Variants in RBFOX1 observed in about 807,000 individuals in gnomAD.
The protein encoded by RBFOX1 is RNA binding fox-1 homolog 1.
A neutral mutation model predicts 57.7 loss-of-function variants in RBFOX1; 8 were observed. That is an observed-to-expected ratio of 0.14 (90% CI 0.08 to 0.25). The LOEUF (loss-of-function observed/expected upper bound fraction) is 0.25, where lower values mean the gene tolerates loss of function less well. Among genes scored for constraint, RBFOX1 ranks in the 10% least tolerant of loss-of-function variants. RBFOX1 has a pLI of 1.00. For synonymous variants in RBFOX1, 326 were observed against 222.4 expected (o/e 1.47, Z -4.15); for missense variants, 611 against 548.5 (o/e 1.11, Z -1.14).
intron 1 of RBFOX1, among the ~76,000 whole-genome samples, chr16:6,084,336 CA>C (rs2096055757): frequency 6.6e-6 from 1 of 152,128 alleles, no homozygotes; most frequent in Non-Finnish European, 1.5e-5. Context: ...CTCGACCTCC[CA>C]GACTCAGGTG....
intron 2 of RBFOX1, among the ~76,000 whole-genome samples, chr16:6,320,258 A>T (rs569361615): frequency 5.9e-5 from 9 of 152,262 alleles, no homozygotes; most frequent in African/African-American, 2.2e-4. Context: ...TGTCCCTAAT[A>T]ATAAAGGAAA....
intron 4 of RBFOX1, among the ~76,000 whole-genome samples, chr16:7,292,119 A>G (rs1313414857): frequency 1.3e-5 from 1 of 76,854 alleles, no homozygotes; most frequent in Non-Finnish European, 2.5e-5. Context: ...TATGTATAAT[A>G]TATAATATAT....
chr16:5,386,990 G>A (rs1162512495), intron 1 of RBFOX1, among the ~76,000 whole-genome samples: 1 of 152,238 alleles, frequency 6.6e-6, no homozygotes, highest in Admixed American at 6.5e-5. Flanking sequence ...GGCGGAGGTT[G>A]CAGTGAGCCG....
chr16:5,261,318 A>G (rs1299083373), intron 1 of RBFOX1, among the ~76,000 whole-genome samples: 1 of 152,098 alleles, frequency 6.6e-6, no homozygotes, highest in Non-Finnish European at 1.5e-5. Flanking sequence ...TGGTCATTCA[A>G]TTCACAAGTT....
At chr16:7,404,637 C>T (rs1387550136) in intron 4 of RBFOX1, among the ~76,000 whole-genome samples, 1 of 152,216 alleles carries the variant, frequency 6.6e-6, no homozygotes, top group East Asian at 1.9e-4. Context: ...GTCTCTCAGT[C>T]ATGCTGTGCT....
intron 3 of RBFOX1, among the ~76,000 whole-genome samples, chr16:6,681,172 C>T (rs1182061398): frequency 1.3e-5 from 2 of 152,008 alleles, no homozygotes; most frequent in East Asian, 1.9e-4. Context: ...ATTAGCCAGG[C>T]ATGATGGCAC....
At chr16:5,404,747 G>A (rs2066815707) in intron 1 of RBFOX1, among the ~76,000 whole-genome samples, 1 of 152,204 alleles carries the variant, frequency 6.6e-6, no homozygotes, top group African/African-American at 2.4e-5. Context: ...TGCAGGGCAA[G>A]ATCCTGTCCC....
intron 1 of RBFOX1, among the ~76,000 whole-genome samples, chr16:5,304,917 T>G (rs2063897019): frequency 6.6e-6 from 1 of 152,232 alleles, no homozygotes; most frequent in African/African-American, 2.4e-5. Flanking sequence ...TTCATGACAT[T>G]ACTGGCAATT....
intron 1 of RBFOX1, chr16:5,270,583 G>C (rs1036041975): frequency 1.7e-6 from 1 of 586,044 alleles, no homozygotes; most frequent in African/African-American, 1.9e-5. Context: ...TCTTTCATCT[G>C]TTTTGTGTTG....
At chr16:5,855,707 G>A (rs927979023) in intron 3 of RBFOX1, among the ~76,000 whole-genome samples, 5 of 151,816 alleles carry the variant, frequency 3.3e-5, no homozygotes, top group Non-Finnish European at 7.4e-5. Context: ...AGCTATTAGG[G>A]GATTTTTGTA....
intron 1 of RBFOX1, among the ~76,000 whole-genome samples, chr16:5,390,695 T>A (rs2066384428): frequency 6.6e-6 from 1 of 152,180 alleles, no homozygotes; most frequent in Non-Finnish European, 1.5e-5. Flanking sequence ...TCTACCCCTC[T>A]ACCCCATCTC....
chr16:6,128,967 C>A (rs906708558), intron 1 of RBFOX1, among the ~76,000 whole-genome samples: 1 of 152,184 alleles, frequency 6.6e-6, no homozygotes, highest in Non-Finnish European at 1.5e-5. Context: ...ACCCACCTGA[C>A]AAAGGATAAA....
chr16:7,186,618 ATATT>A (rs1306723646), intron 4 of RBFOX1, among the ~76,000 whole-genome samples: 1 of 142,558 alleles, frequency 7.0e-6, no homozygotes, highest in African/African-American at 2.7e-5. Context: ...AAGCATAAAC[ATATT>A]TATATAAATA....
At chr16:5,490,870 A>G (rs1327162825) in intron 2 of RBFOX1, among the ~76,000 whole-genome samples, 2 of 152,158 alleles carry the variant, frequency 1.3e-5, no homozygotes, top group Non-Finnish European at 2.9e-5. Flanking sequence ...TCTCTTAACA[A>G]CAAGGATACG....
chr16:5,424,119 A>G (rs1006542122), intron 1 of RBFOX1, among the ~76,000 whole-genome samples: 2 of 152,190 alleles, frequency 1.3e-5, no homozygotes, highest in Non-Finnish European at 2.9e-5. Flanking sequence ...GTAGCTATTC[A>G]ATCAGTAATC....
chr16:6,136,798 T>C (rs2096670685), intron 1 of RBFOX1, among the ~76,000 whole-genome samples: 1 of 152,198 alleles, frequency 6.6e-6, no homozygotes, highest in Admixed American at 6.5e-5. Context: ...AGAAGTACTG[T>C]TCCTTTTAAT....
chr16:6,376,381 C>G lies in RBFOX1; in HGVS notation c.-64+59324C>G, dbSNP rs564823980. Among the ~76,000 whole-genome samples, 4 of 152,290 alleles carry G rather than the reference C, an allele frequency of 2.6e-5. No individual in the cohort carries two copies. The South Asian group carries it at 8.3e-4, about 32-fold the overall frequency. ...GCTTAAAAAAGCAGACATCCATTCT[C>G]TTGCTGTTCTGGAGCCCAGGAGGCT... is the stretch of plus-strand genomic sequence containing the variant. On this transcript the variant is annotated intron_variant, in intron 2 of 15. Transcript: ENST00000550418.
At chr16:7,390,138 C>G (rs2097972019) in intron 4 of RBFOX1, among the ~76,000 whole-genome samples, 1 of 152,064 alleles carries the variant, frequency 6.6e-6, no homozygotes, top group Admixed American at 6.5e-5. Context: ...TTCAAACAAA[C>G]AGCTCTTGTG....
intron 1 of RBFOX1, among the ~76,000 whole-genome samples, chr16:6,206,634 T>C (rs2097257206): frequency 6.6e-6 from 1 of 152,204 alleles, no homozygotes; most frequent in African/African-American, 2.4e-5. Flanking sequence ...TTTTTAACTT[T>C]TCATTTTGAA....
Sources: allele counts gnomAD v4.1 joint callset (sites outside exome capture counted in the v4.1 genomes callset), GRCh38; gene constraint gnomAD v4.1.1; transcripts MANE v1.5; gene names NCBI Gene and HGNC (gene_info 2026-07-23, HGNC 2026-07-21).